BCAN: variants seen among roughly 807,000 people sequenced by gnomAD.
BCAN encodes the protein brevican.
BCAN carries 51 observed loss-of-function variants against 92.4 expected under a neutral mutation model. That is an observed-to-expected ratio of 0.55 (90% CI 0.44 to 0.70). The LOEUF is 0.70. Ranked by LOEUF, BCAN falls within the 30% of genes least tolerant of loss-of-function variation. The pLI is 0.00. For synonymous variants in BCAN, 501 were observed against 505.2 expected, an observed-to-expected ratio of 0.99 and a Z score of 0.11; for missense variants, 1,140 against 1,212.1, an observed-to-expected ratio of 0.94 and a Z score of 0.88.
intron 8 of BCAN, chr1:156,653,130 G>A: frequency 7.1e-7 from 1 of 1,411,064 alleles, no homozygotes; most frequent in Non-Finnish European, 9.2e-7. Flanking sequence ...CTGACCATCT[G>A]TGACCCTTCC....
chr1:156,647,206 GAGGGAGGGAGGGA>G lies in BCAN; in HGVS notation c.466+39_466+51del. 8.6e-7 allele frequency: 1 copy of G among 1,156,838 alleles called. No individual in the cohort carries two copies. Among genetic ancestry groups the G allele is most frequent in the Non-Finnish European group, 1.2e-6 (1 of 825,264 alleles). 71.7% of individuals were successfully genotyped at this position (1,156,838 alleles called of 1,614,324 possible). ...AGGGCAGGGAGGTTCCAGAGGGAGG[GAGGGAGGGAGGGA>G]AGGGAGGACTCTTGCCTTCGGGGAT... is the stretch of plus-strand genomic sequence containing the variant. On this transcript the variant is annotated intron_variant, in intron 3 of 13. Coordinates refer to ENST00000329117, the MANE Select transcript of BCAN (RefSeq NM_021948.5). This position sits in a 1 kb window ranked among gnomAD's most constrained non-coding sequence, Gnocchi z 4.8.
intron 11 of BCAN, 37 bp downstream of exon 11, chr1:156,657,794 C>T: frequency 1.9e-6 from 3 of 1,571,854 alleles, no homozygotes; most frequent in Non-Finnish European, 2.6e-6. Flanking sequence ...GTCTAGCTCA[C>T]TTCCTCTAAG....
At chr1:156,656,230 T>C in intron 8 of BCAN, 52 bp from the exon 9 acceptor site, 1 of 1,325,542 alleles carries the variant, frequency 7.5e-7, no homozygotes, top group Non-Finnish European at 1.0e-6. Context: ...GGGCTCAGGC[T>C]GCAGAGTGCG....
Position 156,652,662 on chromosome 1 carries a change from G to T in BCAN, c.1712G>T (p.Gly571Val). ...EAREVGEATGGPELSGVPRGE... is the reference protein window; with the variant it reads ...EAREVGEATGVPELSGVPRGE... ...AGAGAGGTGGGGGAGGCAACTGGTG[G>T]TCCTGAGCTATCTGGGGTCCCTCGA... is the stretch of plus-strand genomic sequence containing the variant. Residue 571 changes from glycine (G) to valine (V), a missense_variant, in exon 8 of 14, where the codon GGT (glycine) becomes GTT (valine). Gly to Val is a moderately radical substitution (Grantham distance 109). Coordinates refer to ENST00000329117, the MANE Select transcript of BCAN (RefSeq NM_021948.5). 6.2e-7 allele frequency: 1 copy of T among 1,613,490 alleles called. No homozygotes were observed. The highest frequency in any genetic ancestry group is 1.1e-5 in the South Asian group (1 of 91,048).
In BCAN at chr1:156,652,806, C is replaced by T. The variant is rs1403282691; in HGVS notation, c.1856C>T (p.Ala619Val). ...TCTGAAGATAATTCTGGAAGAACTG[C>T]CCCAGCAGGGACCTCAGTGCAGGCC... ...APSEDNSGRTAPAGTSVQAQP... is the reference protein window; with the variant it reads ...APSEDNSGRTVPAGTSVQAQP... Residue 619 changes from alanine to valine, a missense_variant, in exon 8 of 14, where the codon GCC (alanine) becomes GTC (valine). By Grantham distance (64) the Ala-to-Val change is moderately conservative (BLOSUM62 0). Around this residue, in one of 3 missense-constraint regions of BCAN, gnomAD observed 825 missense variants for 871.8 expected, o/e 0.95. Coordinates refer to ENST00000329117, the MANE Select transcript of BCAN (RefSeq NM_021948.5). 2 of 1,613,766 alleles carry T rather than the reference C, an allele frequency of 1.2e-6. No individual in the cohort carries two copies. Among genetic ancestry groups the T allele is most frequent in the Non-Finnish European group, 1.7e-6 (2 of 1,179,802 alleles).
chr1:156,648,865 A>G lies in BCAN; in HGVS notation c.1063+4A>G. 1 of 1,550,352 alleles carries G rather than the reference A, an allele frequency of 6.5e-7. No homozygotes were observed. Among genetic ancestry groups the G allele is most frequent in the Non-Finnish European group, 8.8e-7 (1 of 1,141,516 alleles). On this transcript the variant is annotated splice_donor_region_variant and intron_variant, in intron 6 of 13. Transcript: ENST00000329117. ...TTCAACGTCTACTGCTTCCGAGGTG[A>G]GCCCACCTCCCTGCAGAAGCTGAGA...
intron 9 of BCAN, 34 bp from the exon 10 acceptor site, chr1:156,656,903 TG>T (rs1336374397): frequency 2.5e-6 from 4 of 1,602,530 alleles, no homozygotes; most frequent in Non-Finnish European, 1.7e-6. Context: ...CTCTGGGTTT[TG>T]GGGCCCTAAG....
In BCAN at chr1:156,652,782, C is replaced by T; in HGVS notation, c.1832C>T (p.Ser611Phe). The change falls in exon 8 of 14, where the codon TCT (serine) becomes TTT (phenylalanine). Residue 611 changes from serine (S) to phenylalanine (F), a missense_variant. Transcript: ENST00000329117. ...PEGTRELEAPSEDNSGRTAPA... is the reference protein window; with the variant it reads ...PEGTRELEAPFEDNSGRTAPA... ...GGTACCAGGGAGCTGGAGGCCCCCTCTGAAGATAATTCTGGAAGAACTGCC... is the reference window on the plus strand; with the variant it reads ...GGTACCAGGGAGCTGGAGGCCCCCTTTGAAGATAATTCTGGAAGAACTGCC... The T allele has an allele frequency of 6.2e-7, 1 of 1,612,514 alleles. No individual in the cohort carries two copies.
chr1:156,651,100 T>A (rs1045762241), intron 6 of BCAN, among the ~76,000 whole-genome samples: 1 of 152,236 alleles, frequency 6.6e-6, no homozygotes, highest in Admixed American at 6.5e-5. Context: ...TCCAAAGTAG[T>A]ATTTTCCATC....
In BCAN at chr1:156,648,698, C is replaced by G. The variant is rs1404882095; in HGVS notation, c.900C>G (p.His300Gln). The change falls in exon 6 of 14, where the codon CAC becomes CAG. Residue 300 changes from histidine (H) to glutamine (Q), a missense_variant. His to Gln is a conservative substitution (Grantham distance 24). Coordinates refer to ENST00000329117, the MANE Select transcript of BCAN (RefSeq NM_021948.5). ...LYAAWDGGLD[H>Q]CSPGWLADGS... ...CAGCCTGGGATGGTGGCCTGGACCA[C>G]TGCAGCCCAGGGTGGCTAGCTGATG... 6 of 1,613,816 alleles carry G rather than the reference C, an allele frequency of 3.7e-6. No homozygotes were observed. The highest frequency in any genetic ancestry group is 3.3e-5 in the Admixed American group (2 of 60,016).
At chr1:156,650,072 A>G (rs1411336774) in intron 6 of BCAN, among the ~76,000 whole-genome samples, 3 of 152,008 alleles carry the variant, frequency 2.0e-5, no homozygotes, top group Admixed American at 6.6e-5. Context: ...AGGGGTGGGG[A>G]AGTAAAAGTC....
At chr1:156,656,198 A>G in intron 8 of BCAN, 84 bp from the exon 9 acceptor site, 3 of 892,476 alleles carry the variant, frequency 3.4e-6, no homozygotes, top group Non-Finnish European at 4.8e-6. Context: ...GGGCTGGGGG[A>G]CCCTCTGCAC....
Position 156,657,103 on chromosome 1 carries a change from T to A in BCAN, c.2209+7T>A. 6.2e-7 allele frequency: 1 copy of A among 1,607,982 alleles called. No homozygotes were observed. The highest frequency in any genetic ancestry group is 8.5e-7 in the Non-Finnish European group (1 of 1,175,488). ...GAACAGGACTTCATCAACAGTGGGC[T>A]GGGAGACAGGGCGGGAGGGGCCCCT... On this transcript the variant is annotated splice_region_variant and intron_variant, in intron 10 of 13. Coordinates refer to ENST00000329117, the MANE Select transcript of BCAN (RefSeq NM_021948.5).
At position 156,652,551 on chromosome 1, in the gene BCAN, G is replaced by A; in HGVS notation, c.1601G>A (p.Arg534Lys). ...DGESEASRPP[R>K]VHGPPTETLP... is the part of the protein sequence containing the mutation. ...GAGTCAGAAGCTTCCAGGCCTCCAA[G>A]GGTCCATGGACCACCTACTGAGACT... The change falls in exon 8 of 14, where the codon AGG becomes AAG. Residue 534 changes from arginine (R) to lysine (K), a missense_variant. By Grantham distance (26) the Arg-to-Lys change is conservative. Coordinates refer to ENST00000329117, the MANE Select transcript of BCAN (RefSeq NM_021948.5). 6.2e-7 allele frequency: 1 copy of A among 1,613,866 alleles called. No individual in the cohort carries two copies.
chr1:156,652,184 C>T (rs1008956797), intron 7 of BCAN, 64 bp from the exon 8 acceptor site: 8 of 1,524,458 alleles, frequency 5.2e-6, no homozygotes, highest in Non-Finnish European at 7.0e-6. Flanking sequence ...CTCCCCTTCC[C>T]TTTTTCCTTT....
In BCAN at chr1:156,652,620, C is replaced by T; in HGVS notation, c.1670C>T (p.Ser557Phe). ...AGGAACCTAGCATCCCCATCACCTT[C>T]CACTCTGGTTGAGGCAAGAGAGGTG... ...RERNLASPSP[S>F]TLVEAREVGE... Residue 557 changes from serine to phenylalanine, a missense_variant, in exon 8 of 14, where the codon TCC (serine) becomes TTC (phenylalanine). Ser to Phe is a radical substitution (Grantham distance 155). Transcript: ENST00000329117. The T allele has an allele frequency of 6.2e-7, 1 of 1,614,012 alleles. No individual in the cohort carries two copies. The highest frequency in any genetic ancestry group is 8.5e-7 in the Non-Finnish European group (1 of 1,179,886).
At position 156,652,888 on chromosome 1, in the gene BCAN, A is replaced by G; in HGVS notation, c.1938A>G (p.Ala646=). The G allele has an allele frequency of 1.2e-6, 2 of 1,613,530 alleles. No individual in the cohort carries two copies. Among genetic ancestry groups the G allele is most frequent in the Middle Eastern group, 1.7e-4 (1 of 6,058 alleles). ...ASRGGVAVVP[A]SGDCVPSPCH... The stretch of plus-strand genomic sequence containing the variant: ...GAGGTGGAGTGGCCGTGGTCCCCGC[A>G]TCAGGTAATTCTGCCCAAGGCTCAA... Residue 646 remains alanine, a synonymous_variant, in exon 8 of 14, where the codon GCA becomes GCG. Coordinates refer to ENST00000329117, the MANE Select transcript of BCAN (RefSeq NM_021948.5).
chr1:156,651,783 A>C (rs1240457055), intron 7 of BCAN, 94 bp downstream of exon 7: 1 of 1,139,670 alleles, frequency 8.8e-7, no homozygotes, highest in African/African-American at 1.5e-5. Context: ...GATGGATGAC[A>C]TGACTCTGCC....
chr1:156,651,052 C>T (rs568717905), intron 6 of BCAN, among the ~76,000 whole-genome samples: 1 of 152,246 alleles, frequency 6.6e-6, no homozygotes, highest in African/African-American at 2.4e-5. Context: ...AGCCCCTCCC[C>T]CTAGGGAATA....
Sources: gnomAD v4.1 joint callset for allele counts (sites outside exome capture counted in the v4.1 genomes callset) on GRCh38, gnomAD v4.1.1 for gene constraint, gnomAD v4.1.1 regional missense constraint, Gnocchi (gnomAD v3.1) non-coding constraint, MANE v1.5 for transcripts, NCBI Gene and HGNC (gene_info 2026-07-23, HGNC 2026-07-21) for gene names.